Variants in SLC2A5 observed in about 807,000 individuals in gnomAD.
The protein encoded by SLC2A5 is solute carrier family 2, facilitated glucose transporter member 5.
SLC2A5 carries 56 observed loss-of-function variants against 50.3 expected under a neutral mutation model. The observed-to-expected ratio is 1.11, with a 90% CI of 0.90 to 1.39. SLC2A5 has a LOEUF of 1.39. Among genes scored for constraint, SLC2A5 ranks in the 40% most tolerant of loss-of-function variants. The probability of loss-of-function intolerance (pLI) is 0.00; values close to 1 mark genes in which losing one functional copy is unlikely to be tolerated. For synonymous variants in SLC2A5, 269 were observed against 281.9 expected (o/e 0.95, Z 0.46); for missense variants, 566 against 650.1 (o/e 0.87, Z 1.41).
chr1:9,058,686 C>G (rs1162834415), intron 1 of SLC2A5, among the ~76,000 whole-genome samples: 1 of 152,262 alleles, frequency 6.6e-6, no homozygotes, highest in African/African-American at 2.4e-5. Flanking sequence ...TGTGACATTC[C>G]TGCCACGTGG....
intron 1 of SLC2A5, among the ~76,000 whole-genome samples, chr1:9,059,605 C>G (rs1641856330): frequency 7.4e-6 from 1 of 135,062 alleles, no homozygotes; most frequent in African/African-American, 2.9e-5. Flanking sequence ...TTATAGCTCA[C>G]TGTGACCTCA....
At chr1:9,058,404 T>C (rs1641820333) in intron 1 of SLC2A5, among the ~76,000 whole-genome samples, 154 bp from the exon 2 acceptor site, 1 of 152,204 alleles carries the variant, frequency 6.6e-6, no homozygotes, top group Non-Finnish European at 1.5e-5. Context: ...CCACCTTGGG[T>C]TACAGGCTTT....
upstream of SLC2A5, chr1:9,072,115 AC>A (rs1310003775): frequency 6.6e-6 from 1 of 151,658 alleles, no homozygotes; most frequent in Non-Finnish European, 1.5e-5. Context: ...CTGGCCAGGG[AC>A]CCCCCAACCT....
intron 1 of SLC2A5, among the ~76,000 whole-genome samples, chr1:9,064,321 G>C (rs993271922): frequency 1.3e-5 from 2 of 152,036 alleles, no homozygotes; most frequent in East Asian, 3.9e-4. Context: ...AAAAGGGAGG[G>C]GCTGAAGAGG....
In SLC2A5 at chr1:9,058,120, C is replaced by T. The variant is rs766257235; in HGVS notation, c.132+32G>A. 22 of 1,539,146 alleles carry T rather than the reference C, an allele frequency of 1.4e-5. No individual in the cohort carries two copies. In the Middle Eastern group the frequency reaches 5.1e-4, roughly 35 times the overall value. Reference sequence around the variant, plus strand: ...CAGGCAATGGGCTGCTCCAAACGTCCTCCCCACATCTTGCTCACCACAGTG... The same window carrying T: ...CAGGCAATGGGCTGCTCCAAACGTCTTCCCCACATCTTGCTCACCACAGTG... On this transcript the variant is annotated intron_variant, in intron 2 of 11. Coordinates refer to ENST00000377424, the MANE Select transcript of SLC2A5 (RefSeq NM_003039.3).
Position 9,076,568 on chromosome 1 carries a change from G to A in SLC2A5, c.-58-6974C>T, listed in dbSNP as rs562881167. On this transcript the variant is annotated intron_variant, in intron 2 of 5. Coordinates refer to the SLC2A5 transcript ENST00000464985. ...ATGTGCCTTTGATGCACAAAACGGG[G>A]TTGCTATCAAGGTGGTGTCTATATT... is the stretch of plus-strand genomic sequence containing the variant. Among the ~76,000 whole-genome samples, 3 of 152,258 alleles carry A rather than the reference G, an allele frequency of 2.0e-5. 1 individual carries two copies.
At chr1:9,063,348 G>C (rs1364239597) in intron 1 of SLC2A5, among the ~76,000 whole-genome samples, 1 of 151,442 alleles carries the variant, frequency 6.6e-6, no homozygotes, top group Non-Finnish European at 1.5e-5. Context: ...GCCATGCCCA[G>C]CCTGTATACT....
rs77511432 is a variant in SLC2A5, at chr1:9,058,188, A to C, written c.96T>G (p.Tyr32Ter). 288 of 1,614,018 alleles carry C rather than the reference A, an allele frequency of 1.8e-4. 3 individuals are homozygous for C. The East Asian group carries it at 4.8e-3, about 27-fold the overall frequency. ...AGTTGACAGCAGCCACGTTGTACCCATACTGGAAGGATGACCCAAAGGCAG... is the reference window on the plus strand; with the variant it reads ...AGTTGACAGCAGCCACGTTGTACCCCTACTGGAAGGATGACCCAAAGGCAG... The part of the protein sequence containing the change: ...LIAAFGSSFQ[Y>*]GYNVAAVNSP... Residue 32 changes from tyrosine to a stop codon, truncating the protein, a stop_gained, in exon 2 of 12, where the codon TAT becomes TAG. Coordinates refer to ENST00000377424, the MANE Select transcript of SLC2A5 (RefSeq NM_003039.3). LOFTEE classifies it high-confidence loss of function.
intron 2 of SLC2A5, among the ~76,000 whole-genome samples, chr1:9,076,283 T>TAA (rs2124471366): frequency 6.6e-6 from 1 of 152,296 alleles, no homozygotes; most frequent in Admixed American, 6.5e-5. Context: ...GAAACAGCTC[T>TAA]ACTAGGAGTG....
upstream of SLC2A5, among the ~76,000 whole-genome samples, chr1:9,093,200 C>T (rs561666302): frequency 4.6e-5 from 7 of 152,120 alleles, no homozygotes; most frequent in African/African-American, 7.2e-5. Context: ...CTCAGCCCTA[C>T]CCCCAATCCC....
chr1:9,062,863 C>G (rs1641980602), intron 1 of SLC2A5, among the ~76,000 whole-genome samples: 1 of 151,868 alleles, frequency 6.6e-6, no homozygotes, highest in Non-Finnish European at 1.5e-5. Flanking sequence ...CAGAGCAAGA[C>G]TCTGTCTCAA....
upstream of SLC2A5, among the ~76,000 whole-genome samples, chr1:9,074,013 G>C (rs1642254300): frequency 6.6e-6 from 1 of 152,234 alleles, no homozygotes; most frequent in South Asian, 2.1e-4. Context: ...CCAGGTAGTG[G>C]AGGTTGCAGT....
chr1:9,067,905 G>C (rs904499370), intron 1 of SLC2A5, among the ~76,000 whole-genome samples: 5 of 152,070 alleles, frequency 3.3e-5, no homozygotes, highest in African/African-American at 1.2e-4. Flanking sequence ...TAACATTTAC[G>C]ATGGCCGGGC....
intron 1 of SLC2A5, among the ~76,000 whole-genome samples, chr1:9,064,837 G>A (rs1642039357): frequency 6.6e-6 from 1 of 152,040 alleles, no homozygotes; most frequent in Non-Finnish European, 1.5e-5. Flanking sequence ...GGCAGATCAC[G>A]AGGTCAGGAG....
At chr1:9,056,616 G>T (rs1641759221) in intron 3 of SLC2A5, among the ~76,000 whole-genome samples, 2 of 152,082 alleles carry the variant, frequency 1.3e-5, no homozygotes, top group African/African-American at 4.8e-5. Flanking sequence ...GGTTGGACAA[G>T]GGGACCTCTA....
chr1:9,053,097 T>TTATATA (rs1553169456), intron 3 of SLC2A5, among the ~76,000 whole-genome samples: 2 of 112,876 alleles, frequency 1.8e-5, no homozygotes, highest in African/African-American at 7.1e-5. Flanking sequence ...ATAATATATA[T>TTATATA]TTATATATAA....
At chr1:9,056,594 C>T (rs1362407531) in intron 3 of SLC2A5, among the ~76,000 whole-genome samples, 2 of 152,152 alleles carry the variant, frequency 1.3e-5, no homozygotes, top group Non-Finnish European at 1.5e-5. Flanking sequence ...ACGTGCTCCT[C>T]ATCCCTAGAC....
chr1:9,077,694 G>A (rs1408923123), intron 2 of SLC2A5, among the ~76,000 whole-genome samples: 5 of 136,550 alleles, frequency 3.7e-5, no homozygotes, highest in Non-Finnish European at 7.9e-5. Flanking sequence ...GCAGTGAGCC[G>A]AGATCATTCC....
chr1:9,077,148 C>T (rs1338934000), intron 2 of SLC2A5, among the ~76,000 whole-genome samples: 2 of 150,624 alleles, frequency 1.3e-5, no homozygotes, highest in African/African-American at 4.8e-5. Flanking sequence ...GCCTATAATC[C>T]CAGCACTTTG....
Sources: allele counts gnomAD v4.1 joint callset (sites outside exome capture counted in the v4.1 genomes callset), GRCh38; gene constraint gnomAD v4.1.1; transcripts MANE v1.5; gene names NCBI Gene and HGNC (gene_info 2026-07-23, HGNC 2026-07-21).